CLASP2: variants seen among roughly 807,000 people sequenced by gnomAD.
CLASP2 encodes cytoplasmic linker associated protein 2, also known as CLIP-associating protein 2.
CLASP2 carries 47 observed loss-of-function variants against 194.4 expected under a neutral mutation model. The ratio of observed to expected loss-of-function variants is 0.24; its 90% CI spans 0.19 to 0.31. The LOEUF (loss-of-function observed/expected upper bound fraction) is 0.31, where lower values mean the gene tolerates loss of function less well. Ranked by LOEUF, CLASP2 falls within the 10% of genes least tolerant of loss-of-function variation. The pLI is 1.00. For synonymous variants in CLASP2, 619 were observed against 633.5 expected, an observed-to-expected ratio of 0.98 and a Z score of 0.34; for missense variants, 1,445 against 1,823.6, an observed-to-expected ratio of 0.79 and a Z score of 3.78.
intron 12 of CLASP2, 151 bp downstream of exon 12, chr3:33,619,452 A>G: frequency 1.5e-6 from 1 of 670,094 alleles, no homozygotes. Flanking sequence ...AAAATAATTC[A>G]AAAATGATTT....
intron 37 of CLASP2, among the ~76,000 whole-genome samples, chr3:33,509,034 T>C (rs1258178505): frequency 6.6e-6 from 1 of 152,192 alleles, no homozygotes; most frequent in Non-Finnish European, 1.5e-5. Context: ...AAGACCACAA[T>C]CTGGGTGGTA....
intron 21 of CLASP2, among the ~76,000 whole-genome samples, chr3:33,586,583 T>C (rs966452263): frequency 2.6e-5 from 4 of 152,144 alleles, no homozygotes; most frequent in African/African-American, 9.7e-5. Context: ...GGTTAAATTT[T>C]AAGGAGATAA....
intron 29 of CLASP2, among the ~76,000 whole-genome samples, chr3:33,552,158 G>A (rs1347341817): frequency 1.4e-5 from 2 of 142,872 alleles, no homozygotes; most frequent in Non-Finnish European, 3.0e-5. Context: ...TCACCCTGTC[G>A]CCCAGGCTGG....
Position 33,684,449 on chromosome 3 carries a change from T to C in CLASP2, c.554A>G (p.Asp185Gly). The change falls in exon 6 of 39, where the codon GAT (aspartate) becomes GGT (glycine). Residue 185 changes from aspartate (D) to glycine (G), a missense_variant. By Grantham distance (94) the Asp-to-Gly change is moderately conservative (BLOSUM62 -1). This residue lies in a region of CLASP2 where 332 missense variants were observed against 325.3 expected (regional missense o/e 1.02). Transcript: ENST00000682230. ...CTCCACTATAGCCAATATTGCAGCA[T>C]CTCTCACCTGTCAAAGAATTCAGAA... ...LFGDSNSQVRDAAILAIVEIY... is the reference protein window; with the variant it reads ...LFGDSNSQVRGAAILAIVEIY... 6.3e-7 allele frequency: 1 copy of C among 1,586,370 alleles called. No individual in the cohort carries two copies. The highest frequency in any genetic ancestry group is 8.6e-7 in the Non-Finnish European group (1 of 1,165,428).
At chr3:33,665,948 T>C (rs1230321318) in intron 6 of CLASP2, among the ~76,000 whole-genome samples, 11 of 152,116 alleles carry the variant, frequency 7.2e-5, no homozygotes, top group African/African-American at 2.4e-4. Flanking sequence ...AGAGACTGGA[T>C]TGTCCAAAAG....
At chr3:33,692,065 A>T (rs868220932) in intron 2 of CLASP2, among the ~76,000 whole-genome samples, 4 of 152,206 alleles carry the variant, frequency 2.6e-5, no homozygotes, top group Middle Eastern at 3.4e-3. Context: ...GCTACTTGGG[A>T]GGCTGTGGTG....
intron 4 of CLASP2, among the ~76,000 whole-genome samples, 194 bp downstream of exon 4, chr3:33,688,083 C>T (rs1157754229): frequency 6.6e-6 from 1 of 152,118 alleles, no homozygotes; most frequent in South Asian, 2.1e-4. Flanking sequence ...ACACTTATTA[C>T]TGACATAACT....
intron 1 of CLASP2, among the ~76,000 whole-genome samples, chr3:33,713,345 TA>T (rs2093128770): frequency 6.6e-6 from 1 of 152,138 alleles, no homozygotes; most frequent in Admixed American, 6.5e-5. Flanking sequence ...ACTGCCCTAG[TA>T]AAATTTTTTA....
intron 6 of CLASP2, among the ~76,000 whole-genome samples, chr3:33,683,759 T>C (rs2090184999): frequency 6.6e-6 from 1 of 151,182 alleles, no homozygotes; most frequent in Admixed American, 6.6e-5. Flanking sequence ...CTGGTCAACA[T>C]GATGAAACCG....
intron 13 of CLASP2, among the ~76,000 whole-genome samples, chr3:33,610,200 C>G (rs73826760): frequency 0.045 from 6,776 of 152,214 alleles, 476 homozygotes; most frequent in African/African-American, 0.15. Flanking sequence ...ACTTTCATAG[C>G]TGGAGTAAAA....
chr3:33,702,035 T>C (rs940624197), intron 1 of CLASP2, among the ~76,000 whole-genome samples: 12 of 152,092 alleles, frequency 7.9e-5, no homozygotes, highest in African/African-American at 2.9e-4. Context: ...TTAAAAGACA[T>C]GGCTAAGAAA....
At chr3:33,535,170 CT>C in intron 34 of CLASP2, 62 bp downstream of exon 34, 1 of 1,140,200 alleles carries the variant, frequency 8.8e-7, no homozygotes, top group Non-Finnish European at 1.3e-6. Flanking sequence ...ATATGCATTT[CT>C]TTTACTTCAT....
chr3:33,618,876 G>C (rs1435275869), intron 12 of CLASP2, among the ~76,000 whole-genome samples: 1 of 152,120 alleles, frequency 6.6e-6, no homozygotes, highest in African/African-American at 2.4e-5. Flanking sequence ...TGAGTGAAGA[G>C]AAATACAGTC....
intron 7 of CLASP2, among the ~76,000 whole-genome samples, chr3:33,652,685 T>G (rs28478611): frequency 0.027 from 4,085 of 152,316 alleles, 182 homozygotes; most frequent in African/African-American, 0.093. Context: ...CAGACCTATA[T>G]ATCCAATTGC....
At chr3:33,647,850 C>T (rs866578473) in intron 7 of CLASP2, among the ~76,000 whole-genome samples, 45 of 152,014 alleles carry the variant, frequency 3.0e-4, no homozygotes, top group African/African-American at 9.2e-4. Flanking sequence ...CTGGCTAACA[C>T]GGTGAAACCC....
intron 6 of CLASP2, among the ~76,000 whole-genome samples, chr3:33,672,367 G>A (rs889102472): frequency 6.6e-6 from 1 of 152,176 alleles, no homozygotes; most frequent in East Asian, 1.9e-4. Flanking sequence ...AATTCCAACA[G>A]ACCTGCAGCT....
chr3:33,522,336 C>CTTTAAG (rs3058607), intron 34 of CLASP2, among the ~76,000 whole-genome samples: 151,267 of 152,266 alleles, frequency 0.99, 75,139 homozygotes, highest in East Asian at 1. Flanking sequence ...TCTGAGAAGA[C>CTTTAAG]TTTATACCTC....
chr3:33,508,556 T>C (rs2048926599), intron 37 of CLASP2, among the ~76,000 whole-genome samples: 2 of 152,016 alleles, frequency 1.3e-5, no homozygotes, highest in Admixed American at 1.3e-4. Context: ...CTCGACCTCC[T>C]GACCTCAAGT....
intron 7 of CLASP2, among the ~76,000 whole-genome samples, chr3:33,650,571 G>C (rs764666791): frequency 6.6e-6 from 1 of 151,838 alleles, no homozygotes; most frequent in East Asian, 1.9e-4. Context: ...ATGGAGAAAA[G>C]GAAGAGATGG....
Sources: gnomAD v4.1 joint callset for allele counts (sites outside exome capture counted in the v4.1 genomes callset) on GRCh38, gnomAD v4.1.1 for gene constraint, gnomAD v4.1.1 regional missense constraint, MANE v1.5 for transcripts, NCBI Gene and HGNC (gene_info 2026-07-23, HGNC 2026-07-21) for gene names.